The following MAD1L1 variants were observed in gnomAD, a reference collection of about 807,000 sequenced individuals.
The protein encoded by MAD1L1 is mitotic spindle assembly checkpoint protein MAD1.
In MAD1L1, 95 loss-of-function variants were observed where a neutral mutation model predicts 96.9. That is an observed-to-expected ratio of 0.98 (90% CI 0.83 to 1.16). MAD1L1 has a LOEUF of 1.16. MAD1L1 is among the 50% of genes most tolerant of loss of function. The pLI, the probability that MAD1L1 is intolerant of heterozygous loss-of-function variation, is 0.00. For missense variants in MAD1L1, 1,007 were observed against 954.4 expected (o/e 1.06, Z -0.73); for synonymous variants, 473 against 396.6 (o/e 1.19, Z -2.29).
chr7:2,070,923 G>T (rs1190090516), intron 11 of MAD1L1, among the ~76,000 whole-genome samples: 1 of 152,174 alleles, frequency 6.6e-6, no homozygotes, highest in Admixed American at 6.5e-5. Flanking sequence ...TTGGGCAGTG[G>T]TTTGGGGAAG....
chr7:1,932,470 G>A (rs1050153916), intron 17 of MAD1L1, among the ~76,000 whole-genome samples: 2 of 152,238 alleles, frequency 1.3e-5, no homozygotes, highest in African/African-American at 2.4e-5. Context: ...GCAGATGCCC[G>A]TACTTCTTCC....
chr7:1,982,018 G>A (rs891800673), intron 14 of MAD1L1, among the ~76,000 whole-genome samples: 5 of 152,056 alleles, frequency 3.3e-5, no homozygotes, highest in South Asian at 2.1e-4. Context: ...CCAGGCCCCC[G>A]ACTCTCAGCC....
intron 14 of MAD1L1, among the ~76,000 whole-genome samples, chr7:1,995,831 C>A (rs1403769528): frequency 6.6e-6 from 1 of 152,196 alleles, no homozygotes; most frequent in Non-Finnish European, 1.5e-5. Flanking sequence ...AGCAGCAAGC[C>A]CCTCCAGCAT....
At chr7:2,212,899 G>T (rs1459624019) in intron 10 of MAD1L1, among the ~76,000 whole-genome samples, 1 of 152,158 alleles carries the variant, frequency 6.6e-6, no homozygotes, top group Admixed American at 6.5e-5. Flanking sequence ...TATTTCCTCG[G>T]TATACACCAA....
At chr7:2,186,912 G>T (rs1312901272) in intron 10 of MAD1L1, among the ~76,000 whole-genome samples, 1 of 151,346 alleles carries the variant, frequency 6.6e-6, no homozygotes, top group Non-Finnish European at 1.5e-5. Flanking sequence ...TCCTGCCTCA[G>T]CCTCCCCAGT....
intron 10 of MAD1L1, among the ~76,000 whole-genome samples, chr7:2,208,776 C>A (rs575282662): frequency 5.3e-5 from 8 of 152,296 alleles, no homozygotes; most frequent in African/African-American, 1.4e-4. Context: ...CCTCCTCCCC[C>A]TCCTGTGCCC....
At position 2,142,417 on chromosome 7, in the gene MAD1L1, G is replaced by A. The variant is rs1465063508; in HGVS notation, c.1073+6735C>T. On this transcript the variant is annotated intron_variant, in intron 11 of 18. Coordinates refer to ENST00000265854, the MANE Select transcript of MAD1L1 (RefSeq NM_001013836.2). The surrounding 1 kb of genome is among the most constrained non-coding windows in gnomAD (Gnocchi z 4.7). ...TGCGTCCCAGGCATGGTCCGGGGCTGCGGGAGAAACTCTTGGGACCAGCCC... is the reference window on the plus strand; with the variant it reads ...TGCGTCCCAGGCATGGTCCGGGGCTACGGGAGAAACTCTTGGGACCAGCCC... 6.6e-6 allele frequency among the ~76,000 whole-genome samples: 1 copy of A among 152,250 alleles called. No homozygotes were observed. Among genetic ancestry groups the A allele is most frequent in the Non-Finnish European group, 1.5e-5 (1 of 68,042 alleles).
intron 14 of MAD1L1, among the ~76,000 whole-genome samples, chr7:1,981,940 C>G (rs1780925629): frequency 6.6e-6 from 1 of 152,154 alleles, no homozygotes; most frequent in African/African-American, 2.4e-5. Flanking sequence ...GAAAGATCCA[C>G]AGTTCAGACA....
rs530406090 is a variant in MAD1L1, at chr7:2,147,599, G to A, written c.1073+1553C>T. 1.2e-4 allele frequency among the ~76,000 whole-genome samples: 19 copies of A among 152,250 alleles called. 1 individual carries two copies. The highest frequency in any genetic ancestry group is 1.2e-3 in the South Asian group (6 of 4,814). On this transcript the variant is annotated intron_variant, in intron 11 of 18. Coordinates refer to ENST00000265854, the MANE Select transcript of MAD1L1 (RefSeq NM_001013836.2). ...CACAGAACAGGACGGAGCACCAAGCGCGTCCATGGGATGCCCCAAGACTCA... is the reference window on the plus strand; with the variant it reads ...CACAGAACAGGACGGAGCACCAAGCACGTCCATGGGATGCCCCAAGACTCA...
At chr7:2,014,722 C>A in intron 12 of MAD1L1, 80 bp from the exon 13 acceptor site, 1 of 1,467,508 alleles carries the variant, frequency 6.8e-7, no homozygotes, top group African/African-American at 1.4e-5. Flanking sequence ...GAAGGCCCCA[C>A]GAGAGCTGGG....
chr7:1,897,916 C>G (rs372373978), intron 18 of MAD1L1, among the ~76,000 whole-genome samples: 1 of 152,244 alleles, frequency 6.6e-6, no homozygotes, highest in Admixed American at 6.5e-5. Flanking sequence ...CCTCATGGAA[C>G]GAAGCCCAAG....
At chr7:2,201,149 C>A (rs1359608910) in intron 10 of MAD1L1, among the ~76,000 whole-genome samples, 1 of 149,292 alleles carries the variant, frequency 6.7e-6, no homozygotes, top group Non-Finnish European at 1.5e-5. Context: ...AGCTGTGGAG[C>A]CCCGTAGCCT....
intron 17 of MAD1L1, among the ~76,000 whole-genome samples, chr7:1,900,643 A>C (rs1047736927): frequency 6.6e-6 from 1 of 152,044 alleles, no homozygotes; most frequent in Non-Finnish European, 1.5e-5. Context: ...AGGAATTGCC[A>C]CGTGCACAAG....
intron 10 of MAD1L1, among the ~76,000 whole-genome samples, chr7:2,183,578 AATG>A (rs1791306772): frequency 6.6e-6 from 1 of 152,222 alleles, no homozygotes; most frequent in Non-Finnish European, 1.5e-5. Flanking sequence ...AGCCATAAAA[AATG>A]ATGAGTTCAT....
At chr7:2,010,483 C>T (rs956602734) in intron 13 of MAD1L1, among the ~76,000 whole-genome samples, 7 of 152,152 alleles carry the variant, frequency 4.6e-5, no homozygotes, top group East Asian at 1.9e-4. Context: ...ATCAAGGTGG[C>T]GTGCACTGCG....
intron 14 of MAD1L1, among the ~76,000 whole-genome samples, chr7:1,994,664 G>A (rs927483461): frequency 1.3e-5 from 2 of 151,790 alleles, no homozygotes; most frequent in Admixed American, 6.5e-5. Context: ...TCGGGGGGGG[G>A]ATTAGCACCC....
intron 10 of MAD1L1, among the ~76,000 whole-genome samples, chr7:2,182,946 G>A (rs551044927): frequency 6.6e-6 from 1 of 152,164 alleles, no homozygotes; most frequent in East Asian, 1.9e-4. Flanking sequence ...CAAGCGGCAG[G>A]GCATGGTGGC....
intron 16 of MAD1L1, among the ~76,000 whole-genome samples, chr7:1,946,231 A>C (rs1779222870): frequency 1.3e-5 from 2 of 152,182 alleles, no homozygotes; most frequent in South Asian, 4.1e-4. Context: ...CTGCAGGCCC[A>C]GGGGGTCAGT....
At chr7:2,068,643 AG>A (rs1481462213) in intron 12 of MAD1L1, among the ~76,000 whole-genome samples, 2 of 152,170 alleles carry the variant, frequency 1.3e-5, no homozygotes, top group Non-Finnish European at 2.9e-5. Flanking sequence ...TCAGTGCCCA[AG>A]GAACATTTTA....
Sources: allele counts gnomAD v4.1 joint callset (sites outside exome capture counted in the v4.1 genomes callset), GRCh38; gene constraint gnomAD v4.1.1; non-coding constraint Gnocchi (gnomAD v3.1); transcripts MANE v1.5; gene names NCBI Gene and HGNC (gene_info 2026-07-23, HGNC 2026-07-21).